CNTN1: variants seen among roughly 807,000 people sequenced by gnomAD.
CNTN1 encodes the protein contactin 1, also known as contactin-1.
In CNTN1, 38 loss-of-function variants were observed where a neutral mutation model predicts 126.4. The ratio of observed to expected loss-of-function variants is 0.30; its 90% CI spans 0.23 to 0.39. The LOEUF (loss-of-function observed/expected upper bound fraction) is 0.39. Ranked by LOEUF, CNTN1 falls within the 10% of genes least tolerant of loss-of-function variation. CNTN1 has a pLI of 1.00. For synonymous variants in CNTN1, 413 were observed against 422.6 expected (o/e 0.98, Z 0.28); for missense variants, 1,009 against 1,248.4 (o/e 0.81, Z 2.89).
chr12:40,754,335 C>T (rs545070325), intron 1 of CNTN1, among the ~76,000 whole-genome samples: 2 of 152,188 alleles, frequency 1.3e-5, no homozygotes, highest in East Asian at 3.9e-4. Flanking sequence ...TGTTCAAGTC[C>T]CTTTTATGAA....
At chr12:40,761,933 A>G (rs538699492) in intron 1 of CNTN1, among the ~76,000 whole-genome samples, 2 of 151,948 alleles carry the variant, frequency 1.3e-5, no homozygotes, top group South Asian at 4.2e-4. Context: ...TTACAATACA[A>G]TCCTAATTTA....
rs753082196 is a variant in CNTN1 at position 41,071,646 on chromosome 12, A to C, written c.*1611A>C. On this transcript the variant is annotated 3_prime_UTR_variant, in exon 24 of 24. Coordinates refer to ENST00000551295, the MANE Select transcript of CNTN1 (RefSeq NM_001843.4). The stretch of plus-strand genomic sequence containing the variant: ...ATATCAATAAATATTTCATTAGTTT[A>C]CATTTAACTCTGGTATAAAATGAAA... 6.6e-6 allele frequency: 1 copy of C among 152,180 alleles called. No individual in the cohort carries two copies. The highest frequency in any genetic ancestry group is 1.5e-5 in the Non-Finnish European group (1 of 68,016). 9.4% of individuals were successfully genotyped at this position (152,180 alleles called of 1,614,324 possible).
In CNTN1 at chr12:40,841,151, G is replaced by T. The variant is rs549806893; in HGVS notation, c.-76-67206G>T. Among the ~76,000 whole-genome samples, 6 of 152,040 alleles carry T rather than the reference G, an allele frequency of 3.9e-5. No individual in the cohort carries two copies. The East Asian group carries it at 1.2e-3, about 29-fold the overall frequency. On this transcript the variant is annotated intron_variant, in intron 1 of 23. Transcript: ENST00000551295. ...ACCACAGAAATACAGAAGATCATCA[G>T]AGAACTATTATGACCAACTATACAC...
chr12:41,034,296 T>A (rs950882012), intron 23 of CNTN1, among the ~76,000 whole-genome samples: 4 of 152,228 alleles, frequency 2.6e-5, no homozygotes, highest in Non-Finnish European at 5.9e-5. Flanking sequence ...TAAGTTAAAC[T>A]GTATAACCAA....
intron 23 of CNTN1, among the ~76,000 whole-genome samples, chr12:41,056,913 T>TAAATA (rs1390776165): frequency 1.4e-5 from 1 of 73,848 alleles, no homozygotes; most frequent in Non-Finnish European, 2.4e-5. Flanking sequence ...TTTATAAATA[T>TAAATA]TTATAATATT....
At chr12:40,906,716 C>G (rs1246445645) in intron 1 of CNTN1, among the ~76,000 whole-genome samples, 1 of 111,752 alleles carries the variant, frequency 8.9e-6, no homozygotes, top group Non-Finnish European at 1.8e-5. Context: ...GCTCTTGTTG[C>G]CCAGGCTGGA....
chr12:40,734,809 AATGGAGAACCAAC>A (rs1212967349), intron 1 of CNTN1, among the ~76,000 whole-genome samples: 1 of 152,116 alleles, frequency 6.6e-6, no homozygotes, highest in Non-Finnish European at 1.5e-5. Context: ...TGTATTTACA[AATGGAGAACCAAC>A]ATCTGGGTCA....
At chr12:41,010,983 G>A (rs552256179) in intron 17 of CNTN1, among the ~76,000 whole-genome samples, 3 of 151,902 alleles carry the variant, frequency 2.0e-5, no homozygotes, top group African/African-American at 7.2e-5. Flanking sequence ...GTTGTTCATC[G>A]CCAGAATTTT....
At chr12:40,839,306 A>G (rs1942189533) in intron 1 of CNTN1, among the ~76,000 whole-genome samples, 2 of 152,236 alleles carry the variant, frequency 1.3e-5, no homozygotes, top group South Asian at 4.1e-4. Flanking sequence ...TGGATAGTCA[A>G]GTTACTGATA....
At chr12:40,837,007 A>G (rs992585326) in intron 1 of CNTN1, among the ~76,000 whole-genome samples, 5 of 152,218 alleles carry the variant, frequency 3.3e-5, no homozygotes, top group Admixed American at 6.5e-5. Flanking sequence ...TTAAATGTCA[A>G]TGCATTTATA....
rs1462717812 is a variant in CNTN1 at position 41,056,891 on chromosome 12, T to TTGG, written c.2981-13068_2981-13067insTGG. ...TAAATATTTGGATATTTATAAATATTATATTTAGATATTTATAAATATTTA... is the reference window on the plus strand; with the variant it reads ...TAAATATTTGGATATTTATAAATATTTGGATATTTAGATATTTATAAATATTTA... On this transcript the variant is annotated intron_variant, in intron 23 of 23. Transcript: ENST00000551295. Among the ~76,000 whole-genome samples the TTGG allele has an allele frequency of 3.7e-5, 4 of 108,208 alleles. No homozygotes were observed. The Admixed American group carries it at 3.8e-4, about 10-fold the overall frequency. 71.0% of individuals were successfully genotyped at this position (108,208 alleles called of 152,430 possible). A position where few individuals can be genotyped will look rare whatever the true frequency, so the allele number is the denominator to read the frequency against.
intron 14 of CNTN1, among the ~76,000 whole-genome samples, chr12:40,953,066 C>T (rs559810063): frequency 4.6e-5 from 7 of 152,064 alleles, no homozygotes; most frequent in Non-Finnish European, 8.8e-5. Context: ...GTTAATACAG[C>T]GTCATCACTG....
At chr12:40,981,218 A>G (rs1947810276) in intron 16 of CNTN1, 151 bp downstream of exon 16, 1 of 700,082 alleles carries the variant, frequency 1.4e-6, no homozygotes, top group South Asian at 1.9e-5. Context: ...TATTTTGGTA[A>G]TGAAGAAAAT....
intron 3 of CNTN1, among the ~76,000 whole-genome samples, chr12:40,910,515 C>T (rs1944987762): frequency 6.6e-6 from 1 of 151,984 alleles, no homozygotes; most frequent in Admixed American, 6.6e-5. Flanking sequence ...ATTAAAAGTC[C>T]ACAGGTATTG....
chr12:41,029,011 T>C (rs1316682754), intron 22 of CNTN1, 52 bp from the exon 23 acceptor site: 1 of 1,545,438 alleles, frequency 6.5e-7, no homozygotes, highest in South Asian at 1.1e-5. Context: ...TGTTAGAGCA[T>C]TGGCTCATTA....
intron 19 of CNTN1, among the ~76,000 whole-genome samples, chr12:41,017,946 C>A (rs1334366939): frequency 6.6e-6 from 1 of 151,942 alleles, no homozygotes; most frequent in South Asian, 2.1e-4. Context: ...ACAAAATGAG[C>A]CAGGATTGGT....
chr12:40,720,874 A>G (rs1175020912), intron 1 of CNTN1, among the ~76,000 whole-genome samples: 1 of 152,006 alleles, frequency 6.6e-6, no homozygotes, highest in Non-Finnish European at 1.5e-5. Flanking sequence ...GGTTGCAGTG[A>G]GCTGAGATCG....
intron 16 of CNTN1, among the ~76,000 whole-genome samples, chr12:40,982,507 GCTT>G (rs1240314947): frequency 1.8e-4 from 28 of 152,186 alleles, no homozygotes; most frequent in African/African-American, 6.5e-4. Context: ...ATTTAAATAT[GCTT>G]CTTATTTTAA....
chr12:41,053,274 C>CT (rs928162396), intron 23 of CNTN1, among the ~76,000 whole-genome samples: 1 of 150,294 alleles, frequency 6.7e-6, no homozygotes, highest in Admixed American at 6.7e-5. Context: ...GACATTCTTT[C>CT]TTTTTATAGA....
Sources: allele counts gnomAD v4.1 joint callset (sites outside exome capture counted in the v4.1 genomes callset), GRCh38; gene constraint gnomAD v4.1.1; transcripts MANE v1.5; gene names NCBI Gene and HGNC (gene_info 2026-07-23, HGNC 2026-07-21).